LPCAT1: variants seen among roughly 807,000 people sequenced by gnomAD.
LPCAT1 encodes the protein lysophosphatidylcholine acyltransferase 1, also known as 1-acylglycerol-3-phosphate O-acyltransferase.
In LPCAT1, 23 loss-of-function variants were observed where a neutral mutation model predicts 60.9. The observed-to-expected ratio is 0.38, with a 90% CI of 0.27 to 0.53. LPCAT1 has a LOEUF of 0.53. Ranked by LOEUF, LPCAT1 falls within the 20% of genes least tolerant of loss-of-function variation. The pLI, the probability that LPCAT1 is intolerant of heterozygous loss-of-function variation, is 0.82. For missense variants in LPCAT1, 622 were observed against 723.6 expected, an observed-to-expected ratio of 0.86 and a Z score of 1.61; for synonymous variants, 340 against 301.1, an observed-to-expected ratio of 1.13 and a Z score of -1.34.
chr5:1,504,356 C>T (rs749915783), intron 1 of LPCAT1, among the ~76,000 whole-genome samples: 9 of 152,252 alleles, frequency 5.9e-5, no homozygotes, highest in African/African-American at 1.9e-4. Context: ...CACCTGGTCC[C>T]GGGGCTCCAG....
chr5:1,520,860 C>CAAAAAAAAAAAAAAAAAAAAAAAAAA (rs59074953), intron 1 of LPCAT1, among the ~76,000 whole-genome samples: 1 of 82,046 alleles, frequency 1.2e-5, no homozygotes, highest in African/African-American at 4.9e-5. Context: ...GAGACTGTCT[C>CAAAAAAAAAAAAAAAAAAAAAAAAAA]AAAAAAAAAA....
At chr5:1,475,694 G>A (rs1478845405) in intron 9 of LPCAT1, among the ~76,000 whole-genome samples, 1 of 152,224 alleles carries the variant, frequency 6.6e-6, no homozygotes, top group African/African-American at 2.4e-5. Context: ...CCGGGAGGAG[G>A]CGCTGCCAGG....
chr5:1,464,739 GACAC>G (rs367621142), intron 13 of LPCAT1, among the ~76,000 whole-genome samples: 64 of 129,198 alleles, frequency 5.0e-4, no homozygotes, highest in African/African-American at 1.4e-3. Flanking sequence ...CATGCACGCA[GACAC>G]ACACACACAA....
chr5:1,478,532 C>T lies in LPCAT1; in HGVS notation c.817-1046G>A, dbSNP rs546957145. Among the ~76,000 whole-genome samples, 17 of 152,362 alleles carry T rather than the reference C, an allele frequency of 1.1e-4. No individual in the cohort carries two copies. In the South Asian group the frequency reaches 3.5e-3, roughly 32 times the overall value. ...AAGCTCAGTCCCTGTGTTCTGTGCT[C>T]GAGGCCTGGCCTGCACCCTCCCGGC... is the stretch of plus-strand genomic sequence containing the variant. On this transcript the variant is annotated intron_variant, in intron 8 of 13. Coordinates refer to ENST00000283415, the MANE Select transcript of LPCAT1 (RefSeq NM_024830.5).
At chr5:1,508,706 A>G (rs1233000827) in intron 1 of LPCAT1, among the ~76,000 whole-genome samples, 1 of 152,268 alleles carries the variant, frequency 6.6e-6, no homozygotes, top group African/African-American at 2.4e-5. Flanking sequence ...GATAAAAAGT[A>G]TAAAAGTGAT....
Position 1,502,091 on chromosome 5 carries a change from G to A in LPCAT1, c.136-488C>T, listed in dbSNP as rs550976355. Among the ~76,000 whole-genome samples, 8 of 152,344 alleles carry A rather than the reference G, an allele frequency of 5.3e-5. No homozygotes were observed. The East Asian group carries it at 1.5e-3, about 29-fold the overall frequency. On this transcript the variant is annotated intron_variant, in intron 1 of 13. Transcript: ENST00000283415. This position sits in a 1 kb window ranked among gnomAD's most constrained non-coding sequence, Gnocchi z 5.5. Reference sequence around the variant, plus strand: ...CTGTGGACACTGGCCAGTGCTAACTGACATGCTCCACACCCACTGCCCGCT... The same window carrying A: ...CTGTGGACACTGGCCAGTGCTAACTAACATGCTCCACACCCACTGCCCGCT...
intron 3 of LPCAT1, among the ~76,000 whole-genome samples, chr5:1,492,385 G>A (rs1420982579): frequency 6.6e-6 from 1 of 152,178 alleles, no homozygotes; most frequent in Non-Finnish European, 1.5e-5. Flanking sequence ...GCTGGAGCCT[G>A]GGGAGATGGT....
intron 3 of LPCAT1, among the ~76,000 whole-genome samples, chr5:1,493,928 A>G (rs910694445): frequency 6.6e-6 from 1 of 152,250 alleles, no homozygotes; most frequent in African/African-American, 2.4e-5. Context: ...CTCATAGAGG[A>G]GACACTTGGA....
Position 1,463,346 on chromosome 5 carries a change from G to GT in LPCAT1, c.*304_*305insA. 8.9e-6 allele frequency: 3 copies of GT among 338,582 alleles called. No individual in the cohort carries two copies. The highest frequency in any genetic ancestry group is 6.1e-5 in the South Asian group (1 of 16,396). The allele number at this position is 338,582 out of a possible 1,614,324, so 21.0% of individuals were successfully genotyped here. On this transcript the variant is annotated 3_prime_UTR_variant, in exon 14 of 14. Transcript: ENST00000283415. ...GCTGTGACAGAGACTCGAAACCAGGGCCCCGTGGGAGAACACGGGGCGGCA... is the reference window on the plus strand; with the variant it reads ...GCTGTGACAGAGACTCGAAACCAGGGTCCCCGTGGGAGAACACGGGGCGGCA...
rs1735233907 is a variant in LPCAT1, at chr5:1,483,312, C to T, written c.726+116G>A. ...TGGACTCAGCATGGCCAAGTGTGGGCTGTGGCGCAGATAAAGGGTGTGGAG... is the reference window on the plus strand; with the variant it reads ...TGGACTCAGCATGGCCAAGTGTGGGTTGTGGCGCAGATAAAGGGTGTGGAG... On this transcript the variant is annotated intron_variant, in intron 6 of 13. Transcript: ENST00000283415. This position sits in a 1 kb window ranked among gnomAD's most constrained non-coding sequence, Gnocchi z 9.2. The T allele has an allele frequency of 1.8e-6, 2 of 1,137,462 alleles. No homozygotes were observed. Among genetic ancestry groups the T allele is most frequent in the Non-Finnish European group, 2.7e-6 (2 of 752,890 alleles). The allele number at this position is 1,137,462 out of a possible 1,614,324, so 70.5% of individuals were successfully genotyped here.
chr5:1,487,619 C>T lies in LPCAT1; in HGVS notation c.667+772G>A, dbSNP rs944770712. On this transcript the variant is annotated intron_variant, in intron 5 of 13. Coordinates refer to ENST00000283415, the MANE Select transcript of LPCAT1 (RefSeq NM_024830.5). This position sits in a 1 kb window ranked among gnomAD's most constrained non-coding sequence, Gnocchi z 6.1. ...TGTGCGGCCCCAGAGGCACGGCAGC[C>T]GGTGCCAGTGTGAGCGAGGAACTGG... 6.6e-6 allele frequency among the ~76,000 whole-genome samples: 1 copy of T among 152,170 alleles called. No individual in the cohort carries two copies. Among genetic ancestry groups the T allele is most frequent in the South Asian group, 2.1e-4 (1 of 4,822 alleles).
chr5:1,512,686 G>A (rs1736392694), intron 1 of LPCAT1, among the ~76,000 whole-genome samples: 1 of 152,238 alleles, frequency 6.6e-6, no homozygotes, highest in Non-Finnish European at 1.5e-5. Context: ...CCCATCGGGG[G>A]GCTCTGCTGT....
rs1736682510 is a variant in LPCAT1, at chr5:1,521,685, CCT to C, written c.135+2023_135+2024del. ...TCTGAAGTGGCAACAAAGCAAGCCC[CCT>C]CTCTGAGAGGCCCCAACACCTCAAG... On this transcript the variant is annotated intron_variant, in intron 1 of 13. Coordinates refer to ENST00000283415, the MANE Select transcript of LPCAT1 (RefSeq NM_024830.5). This position sits in a 1 kb window ranked among gnomAD's most constrained non-coding sequence, Gnocchi z 4.3. Among the ~76,000 whole-genome samples the C allele has an allele frequency of 6.6e-6, 1 of 152,176 alleles. No homozygotes were observed. Among genetic ancestry groups the C allele is most frequent in the Non-Finnish European group, 1.5e-5 (1 of 68,028 alleles).
Position 1,464,787 on chromosome 5 carries a change from C to T in LPCAT1, c.1421-952G>A, listed in dbSNP as rs111071710. 1.3e-3 allele frequency among the ~76,000 whole-genome samples: 123 copies of T among 97,124 alleles called. 1 individual carries two copies. In the East Asian group the frequency reaches 0.035, roughly 27 times the overall value. The allele number at this position is 97,124 out of a possible 152,430, so 63.7% of individuals were successfully genotyped here. On this transcript the variant is annotated intron_variant, in intron 13 of 13. Coordinates refer to ENST00000283415, the MANE Select transcript of LPCAT1 (RefSeq NM_024830.5). The stretch of plus-strand genomic sequence containing the variant: ...CACACACGGTAACCAAACACACGTG[C>T]GCGCACACACACAAAACAAGCACAC...
chr5:1,509,105 C>T (rs1736275895), intron 1 of LPCAT1, among the ~76,000 whole-genome samples: 1 of 152,272 alleles, frequency 6.6e-6, no homozygotes, highest in African/African-American at 2.4e-5. Flanking sequence ...TGAAGGGGCT[C>T]CAATGCACCT....
At chr5:1,474,187 C>T in intron 10 of LPCAT1, 77 bp from the exon 11 acceptor site, 1 of 1,432,906 alleles carries the variant, frequency 7.0e-7, no homozygotes, top group Non-Finnish European at 9.5e-7. Context: ...TTCTAAGACT[C>T]ATCAAAATAT....
chr5:1,523,800 G>A lies in LPCAT1; in HGVS notation c.45C>T (p.Ser15=), dbSNP rs1241211623. 9.0e-7 allele frequency: 1 copy of A among 1,106,078 alleles called. No homozygotes were observed. Among genetic ancestry groups the A allele is most frequent in the Non-Finnish European group, 1.1e-6 (1 of 907,802 alleles). 68.5% of individuals were successfully genotyped at this position (1,106,078 alleles called of 1,614,324 possible). ...GCGPRAAPAS[S]AGASDARLLA... ...GCAGCCGAGCGTCGCTGGCCCCTGC[G>A]CTGGAGGCAGGGGCGGCCCGGGGTC... Residue 15 remains serine (S), a synonymous_variant, in exon 1 of 14, where the codon AGC becomes AGT. Coordinates refer to ENST00000283415, the MANE Select transcript of LPCAT1 (RefSeq NM_024830.5). The surrounding 1 kb of genome is among the most constrained non-coding windows in gnomAD (Gnocchi z 7.1).
rs529374740 is a variant in LPCAT1, at chr5:1,474,125, A to C, written c.1026-15T>G. On this transcript the variant is annotated splice_polypyrimidine_tract_variant and intron_variant, in intron 10 of 13. Coordinates refer to ENST00000283415, the MANE Select transcript of LPCAT1 (RefSeq NM_024830.5). ...CTGGTTTTAGCCTAGACAAAAAAAG[A>C]GGGAAAGCTTTCTTTTTCAATAAAA... 1.2e-6 allele frequency: 2 copies of C among 1,604,098 alleles called. No individual in the cohort carries two copies. The highest frequency in any genetic ancestry group is 3.4e-5 in the Admixed American group (2 of 58,830).
At chr5:1,514,157 G>T (rs1223939081) in intron 1 of LPCAT1, among the ~76,000 whole-genome samples, 1 of 152,202 alleles carries the variant, frequency 6.6e-6, no homozygotes, top group Non-Finnish European at 1.5e-5. Context: ...AGATGCCAGG[G>T]CCCTCCTGGG....
Sources: gnomAD v4.1 joint callset for allele counts (sites outside exome capture counted in the v4.1 genomes callset) on GRCh38, gnomAD v4.1.1 for gene constraint, Gnocchi (gnomAD v3.1) non-coding constraint, MANE v1.5 for transcripts, NCBI Gene and HGNC (gene_info 2026-07-23, HGNC 2026-07-21) for gene names.